The following WWOX variants were observed in gnomAD, a reference collection of about 807,000 sequenced individuals.
WWOX encodes WW domain containing oxidoreductase.
A neutral mutation model predicts 46.2 loss-of-function variants in WWOX; 69 were observed. The observed-to-expected ratio is 1.49, with a 90% CI of 1.23 to 1.82. The LOEUF (loss-of-function observed/expected upper bound fraction) is 1.82, where lower values mean the gene tolerates loss of function less well. WWOX is among the 40% of genes most tolerant of loss of function. The pLI is 0.00. For missense variants in WWOX, 919 were observed against 542.6 expected, an observed-to-expected ratio of 1.69 and a Z score of -6.89; for synonymous variants, 359 against 202.6, an observed-to-expected ratio of 1.77 and a Z score of -6.56.
rs560314946 is a variant in WWOX at position 78,541,342 on chromosome 16, C to T, written c.1056+108590C>T. On this transcript the variant is annotated intron_variant, in intron 8 of 8. Coordinates refer to ENST00000566780, the MANE Select transcript of WWOX (RefSeq NM_016373.4). ...ACAAAAAATTAGCCGGGCGTAGTGG[C>T]GGGCACCTGTAGTCCCAGCTACTTG... is the stretch of plus-strand genomic sequence containing the variant. 2.7e-4 allele frequency among the ~76,000 whole-genome samples: 40 copies of T among 150,564 alleles called. No individual in the cohort carries two copies. The South Asian group carries it at 8.0e-3, about 30-fold the overall frequency.
chr16:78,948,625 A>G (rs1304013334), intron 8 of WWOX, among the ~76,000 whole-genome samples: 1 of 151,800 alleles, frequency 6.6e-6, no homozygotes, highest in East Asian at 2.0e-4. Flanking sequence ...GAAGAGCATA[A>G]ACTTGGGGGT....
intron 8 of WWOX, among the ~76,000 whole-genome samples, chr16:78,725,344 C>CT (rs1220702069): frequency 0.013 from 784 of 61,888 alleles, 31 homozygotes; most frequent in Admixed American, 0.047. Flanking sequence ...CTTTTCTTTT[C>CT]TTTTTTTTTT....
intron 5 of WWOX, among the ~76,000 whole-genome samples, chr16:78,192,802 G>A (rs747332532): frequency 2.6e-5 from 4 of 152,148 alleles, no homozygotes; most frequent in Non-Finnish European, 5.9e-5. Flanking sequence ...TGCTGTTATA[G>A]TTGAATGTTT....
At chr16:78,968,263 C>G (rs116666442) in intron 8 of WWOX, among the ~76,000 whole-genome samples, 7,996 of 152,300 alleles carry the variant, frequency 0.053, 397 homozygotes, top group African/African-American at 0.13. Flanking sequence ...GATTTCCAGA[C>G]TATCCAGAAA....
chr16:78,606,403 T>C (rs2045757751), intron 8 of WWOX, among the ~76,000 whole-genome samples: 1 of 151,916 alleles, frequency 6.6e-6, no homozygotes, highest in Non-Finnish European at 1.5e-5. Flanking sequence ...TTTTGGAAAA[T>C]TAGAATGTGG....
chr16:79,192,299 T>G (rs1013550030), intron 8 of WWOX, among the ~76,000 whole-genome samples: 3 of 136,794 alleles, frequency 2.2e-5, no homozygotes, highest in African/African-American at 3.1e-5. Flanking sequence ...ATTTTCGCAG[T>G]GATTCATTCA....
intron 8 of WWOX, among the ~76,000 whole-genome samples, chr16:79,190,379 CG>C (rs1567607626): frequency 1.3e-5 from 2 of 152,154 alleles, no homozygotes; most frequent in South Asian, 4.2e-4. Context: ...AGCTATTAGG[CG>C]TAGATTCCTG....
intron 8 of WWOX, chr16:78,552,199 C>G (rs898043316): frequency 6.6e-6 from 1 of 152,178 alleles, no homozygotes; most frequent in Non-Finnish European, 1.5e-5. Flanking sequence ...TTGATTAACC[C>G]CATTTCCCCT....
chr16:78,383,597 C>G lies in WWOX; in HGVS notation c.517-3263C>G, dbSNP rs922965315. On this transcript the variant is annotated intron_variant, in intron 5 of 8. Transcript: ENST00000566780. ...ACCTTCTTATTTAGAGCATGTCCCA[C>G]TACAAACATTTCTATAAAGTTACTA... is the stretch of plus-strand genomic sequence containing the variant. 3.3e-5 allele frequency among the ~76,000 whole-genome samples: 5 copies of G among 152,184 alleles called. No individual in the cohort carries two copies. In the South Asian group the frequency reaches 8.3e-4, roughly 25 times the overall value.
At chr16:78,871,519 C>A (rs1284621775) in intron 8 of WWOX, among the ~76,000 whole-genome samples, 1 of 152,148 alleles carries the variant, frequency 6.6e-6, no homozygotes, top group African/African-American at 2.4e-5. Context: ...ACAAGATCTC[C>A]AAGGAAGCAG....
At chr16:78,548,546 A>G (rs1197144648) in intron 8 of WWOX, among the ~76,000 whole-genome samples, 1 of 152,134 alleles carries the variant, frequency 6.6e-6, no homozygotes, top group African/African-American at 2.4e-5. Flanking sequence ...GCCTCATTGG[A>G]TGAATCATAT....
chr16:78,671,060 C>T (rs1322711482), intron 8 of WWOX, among the ~76,000 whole-genome samples: 5 of 152,146 alleles, frequency 3.3e-5, no homozygotes. Flanking sequence ...TCCTGCAGAA[C>T]CCCCAGAAGG....
intron 8 of WWOX, among the ~76,000 whole-genome samples, chr16:79,096,016 A>ATTTTTTGTT (rs71384393): frequency 3.7e-5 from 3 of 82,052 alleles, no homozygotes. Flanking sequence ...CACCCGGATA[A>ATTTTTTGTT]TTTTTTTTTT....
chr16:78,173,330 C>G (rs2035223381), intron 5 of WWOX, among the ~76,000 whole-genome samples: 1 of 152,080 alleles, frequency 6.6e-6, no homozygotes, highest in Non-Finnish European at 1.5e-5. Flanking sequence ...GCTCTGTCAC[C>G]CAGGCTGGTG....
intron 8 of WWOX, among the ~76,000 whole-genome samples, chr16:78,556,367 G>C (rs2044297177): frequency 6.6e-6 from 1 of 152,112 alleles, no homozygotes. Flanking sequence ...GAAGGCAAAG[G>C]GAATTTTATC....
chr16:78,259,790 T>C (rs1476126123), intron 5 of WWOX, among the ~76,000 whole-genome samples: 2 of 151,244 alleles, frequency 1.3e-5, no homozygotes, highest in Non-Finnish European at 2.9e-5. Flanking sequence ...TTTTTTTACC[T>C]AGGAATTTCA....
At chr16:79,106,965 C>G (rs926981715) in intron 8 of WWOX, among the ~76,000 whole-genome samples, 1 of 151,872 alleles carries the variant, frequency 6.6e-6, no homozygotes, top group Non-Finnish European at 1.5e-5. Context: ...CCCCCGCAAC[C>G]ATGTCCCACG....
chr16:78,777,742 C>A (rs1036265150), intron 8 of WWOX, among the ~76,000 whole-genome samples: 2 of 152,142 alleles, frequency 1.3e-5, no homozygotes, highest in Non-Finnish European at 2.9e-5. Flanking sequence ...AGGATAGGCA[C>A]TTTGCATAGA....
rs113086246 is a variant in WWOX at position 79,058,903 on chromosome 16, G to A, written c.1057-152705G>A. On this transcript the variant is annotated intron_variant, in intron 8 of 8. Transcript: ENST00000566780. The stretch of plus-strand genomic sequence containing the variant: ...ACCAGAGAAGGACTTACTCCTCTCC[G>A]TACACTTTGGACATGTCAAAATCTA... 5.3e-5 allele frequency among the ~76,000 whole-genome samples: 8 copies of A among 152,216 alleles called. No homozygotes were observed. In the South Asian group the frequency reaches 6.2e-4, roughly 12 times the overall value.
Sources: gnomAD v4.1 joint callset for allele counts (sites outside exome capture counted in the v4.1 genomes callset) on GRCh38, gnomAD v4.1.1 for gene constraint, MANE v1.5 for transcripts, NCBI Gene and HGNC (gene_info 2026-07-23, HGNC 2026-07-21) for gene names.